ATP6V1C1: variants seen among roughly 807,000 people sequenced by gnomAD.
The protein encoded by ATP6V1C1 is ATPase H+ transporting V1 subunit C1, also known as V-type proton ATPase subunit C 1.
ATP6V1C1 carries 45 observed loss-of-function variants against 53.9 expected under a neutral mutation model. The ratio of observed to expected loss-of-function variants is 0.83; its 90% CI spans 0.66 to 1.07. The LOEUF is 1.07. Ranked by LOEUF, ATP6V1C1 falls within the 50% of genes least tolerant of loss-of-function variation. The pLI is 0.00. For missense variants in ATP6V1C1, 315 were observed against 440.3 expected (o/e 0.72, Z 2.55); for synonymous variants, 153 against 155.2 (o/e 0.99, Z 0.11).
rs2131407605 is a variant in ATP6V1C1 at position 103,068,798 on chromosome 8, A to G, written c.*51A>G. 6.6e-7 allele frequency: 1 copy of G among 1,508,508 alleles called. No individual in the cohort carries two copies. The highest frequency in any genetic ancestry group is 9.1e-7 in the Non-Finnish European group (1 of 1,097,502). The allele number at this position is 1,508,508 out of a possible 1,614,324, so 93.4% of individuals were successfully genotyped here. A position where few individuals can be genotyped will look rare whatever the true frequency, so the allele number is the denominator to read the frequency against. On this transcript the variant is annotated 3_prime_UTR_variant, in exon 13 of 13. Coordinates refer to ENST00000518738, the MANE Select transcript of ATP6V1C1 (RefSeq NM_001695.5). ...TGTCCTTGTGTTTGTGTGTGCTAAC[A>G]GAAATAAGTTGCAGTATGGTCGTAC...
At chr8:103,039,821 G>A (rs755562196) in intron 1 of ATP6V1C1, among the ~76,000 whole-genome samples, 9 of 151,988 alleles carry the variant, frequency 5.9e-5, no homozygotes, top group Non-Finnish European at 1.0e-4. Context: ...ACTGCAGCCT[G>A]CCTCTCAGAT....
At chr8:103,065,424 C>T (rs749423394) in intron 11 of ATP6V1C1, among the ~76,000 whole-genome samples, 1 of 152,016 alleles carries the variant, frequency 6.6e-6, no homozygotes, top group Non-Finnish European at 1.5e-5. Flanking sequence ...TGTGGTGGCA[C>T]GCGCCTGTAG....
intron 8 of ATP6V1C1, among the ~76,000 whole-genome samples, chr8:103,056,757 G>T (rs920603222): frequency 6.6e-5 from 10 of 152,118 alleles, no homozygotes; most frequent in African/African-American, 2.4e-4. Flanking sequence ...CCACCCCAAA[G>T]GATTCTTATA....
intron 1 of ATP6V1C1, among the ~76,000 whole-genome samples, chr8:103,029,295 T>C (rs914228686): frequency 1.3e-5 from 2 of 150,238 alleles, no homozygotes; most frequent in Non-Finnish European, 3.0e-5. Flanking sequence ...TTTTTTTTTT[T>C]CAAGACCCTC....
At chr8:103,039,545 G>A (rs1816957942) in intron 1 of ATP6V1C1, among the ~76,000 whole-genome samples, 2 of 152,146 alleles carry the variant, frequency 1.3e-5, no homozygotes, top group South Asian at 4.1e-4. Flanking sequence ...TTGAATATTA[G>A]TTTCAGGAGA....
At chr8:103,040,392 C>T (rs1010750450) in intron 1 of ATP6V1C1, among the ~76,000 whole-genome samples, 5 of 148,628 alleles carry the variant, frequency 3.4e-5, no homozygotes, top group East Asian at 2.0e-4. Context: ...CCAGCCTGGG[C>T]GACAGAGTGA....
chr8:103,059,194 AG>A (rs1245976174), intron 8 of ATP6V1C1, among the ~76,000 whole-genome samples: 1 of 152,190 alleles, frequency 6.6e-6, no homozygotes, highest in African/African-American at 2.4e-5. Flanking sequence ...ACTGTCCAGA[AG>A]TTTCTCTATG....
At chr8:103,061,206 G>A (rs1817389785) in intron 8 of ATP6V1C1, among the ~76,000 whole-genome samples, 1 of 152,184 alleles carries the variant, frequency 6.6e-6, no homozygotes, top group African/African-American at 2.4e-5. Context: ...AGTTTAACAG[G>A]AGGTTCTAAA....
At chr8:103,025,462 T>A (rs1238960033) in intron 1 of ATP6V1C1, among the ~76,000 whole-genome samples, 1 of 152,230 alleles carries the variant, frequency 6.6e-6, no homozygotes, top group African/African-American at 2.4e-5. Flanking sequence ...GTTACAGAGG[T>A]TAAAAGTAAT....
intron 8 of ATP6V1C1, 111 bp from the exon 9 acceptor site, chr8:103,062,844 G>C (rs1817425334): frequency 1.2e-6 from 1 of 800,786 alleles, no homozygotes; most frequent in Admixed American, 2.4e-5. Context: ...GGTGATTTGG[G>C]AAGGGCTATT....
chr8:103,068,744 G>A lies in ATP6V1C1; in HGVS notation c.1146G>A (p.Lys382=), dbSNP rs1047612129. Residue 382 remains lysine, a synonymous_variant, in exon 13 of 13, where the codon AAG becomes AAA. Transcript: ENST00000518738. ...YKIDCNLLEF[K] is the part of the protein sequence containing the mutation. ...TTGATTGCAACTTGCTGGAATTCAA[G>A]TGAAAATGGGCTCCTCCCCCGACAA... is the stretch of plus-strand genomic sequence containing the variant. 6.2e-7 allele frequency: 1 copy of A among 1,608,738 alleles called. No homozygotes were observed. Among genetic ancestry groups the A allele is most frequent in the Admixed American group, 1.7e-5 (1 of 59,404 alleles).
At chr8:103,042,768 A>G (rs1817023822) in intron 3 of ATP6V1C1, among the ~76,000 whole-genome samples, 1 of 152,168 alleles carries the variant, frequency 6.6e-6, no homozygotes, top group African/African-American at 2.4e-5. Context: ...ATTAGCAGTC[A>G]CTTACCGTCC....
At chr8:103,023,905 TGG>T (rs35105111) in intron 1 of ATP6V1C1, among the ~76,000 whole-genome samples, 48 of 149,716 alleles carry the variant, frequency 3.2e-4, no homozygotes, top group African/African-American at 1.1e-3. Context: ...CATTTTTTTT[TGG>T]GGGGGGGGAA....
intron 7 of ATP6V1C1, among the ~76,000 whole-genome samples, chr8:103,055,187 C>CT (rs773157648): frequency 2.0e-5 from 3 of 152,072 alleles, no homozygotes; most frequent in Non-Finnish European, 2.9e-5. Flanking sequence ...CTCACTCAAC[C>CT]TTTATTTAAA....
At chr8:103,045,361 A>C (rs977001242) in intron 3 of ATP6V1C1, among the ~76,000 whole-genome samples, 1 of 152,134 alleles carries the variant, frequency 6.6e-6, no homozygotes, top group African/African-American at 2.4e-5. Context: ...AGATCTAAGG[A>C]TGTATTGATG....
intron 8 of ATP6V1C1, among the ~76,000 whole-genome samples, chr8:103,061,569 A>G (rs1817395802): frequency 6.6e-6 from 1 of 152,208 alleles, no homozygotes; most frequent in South Asian, 2.1e-4. Context: ...AACAACCAAC[A>G]AAAGGGCACA....
At chr8:103,065,756 ATGGTAAGCCAGGCG>A (rs1817477417) in intron 11 of ATP6V1C1, among the ~76,000 whole-genome samples, 1 of 152,212 alleles carries the variant, frequency 6.6e-6, no homozygotes, top group East Asian at 1.9e-4. Flanking sequence ...TAAAAATTGA[ATGGTAAGCCAGGCG>A]TGGTGGCTCA....
At chr8:103,048,720 A>G (rs1817147942) in intron 3 of ATP6V1C1, 150 bp from the exon 4 acceptor site, 1 of 581,490 alleles carries the variant, frequency 1.7e-6, no homozygotes, top group Admixed American at 3.5e-5. Flanking sequence ...TTAAAACATT[A>G]TAAGGTAAGA....
At chr8:103,030,884 A>G (rs1816786003) in intron 1 of ATP6V1C1, among the ~76,000 whole-genome samples, 1 of 152,178 alleles carries the variant, frequency 6.6e-6, no homozygotes, top group East Asian at 1.9e-4. Context: ...TGGGAGAGAG[A>G]ACTTATTGAA....
Sources: allele counts gnomAD v4.1 joint callset (sites outside exome capture counted in the v4.1 genomes callset), GRCh38; gene constraint gnomAD v4.1.1; transcripts MANE v1.5; gene names NCBI Gene and HGNC (gene_info 2026-07-23, HGNC 2026-07-21).